ADK: variants seen among roughly 807,000 people sequenced by gnomAD.
ADK encodes the protein N6,N6-dimethyladenosine kinase.
A neutral mutation model predicts 44.7 loss-of-function variants in ADK; 24 were observed. That is an observed-to-expected ratio of 0.54 (90% confidence interval 0.39 to 0.76). The LOEUF (loss-of-function observed/expected upper bound fraction) is 0.76. ADK is among the 30% of genes least tolerant of loss of function. ADK has a pLI of 0.00. For missense variants in ADK, 321 were observed against 425.1 expected (o/e 0.76, Z 2.15); for synonymous variants, 128 against 142.6 (o/e 0.90, Z 0.73).
chr10:74,704,745 C>A (rs1362601921), intron 10 of ADK, among the ~76,000 whole-genome samples: 2 of 152,196 alleles, frequency 1.3e-5, no homozygotes, highest in African/African-American at 2.4e-5. Context: ...TCACAATGAT[C>A]ATACCAGGCG....
At chr10:74,395,147 GCATTA>G (rs149506756) in intron 5 of ADK, among the ~76,000 whole-genome samples, 1,836 of 152,204 alleles carry the variant, frequency 0.012, 38 homozygotes, top group African/African-American at 0.042. Context: ...TAGAAATTTT[GCATTA>G]CTTATAGTTG....
intron 10 of ADK, among the ~76,000 whole-genome samples, chr10:74,672,779 A>G (rs970837161): frequency 6.6e-6 from 1 of 152,184 alleles, no homozygotes; most frequent in African/African-American, 2.4e-5. Context: ...CACTTTATAT[A>G]TATATTAACT....
chr10:74,287,982 CAA>C (rs367569110), intron 3 of ADK, among the ~76,000 whole-genome samples: 33 of 68,596 alleles, frequency 4.8e-4, no homozygotes, highest in African/African-American at 8.0e-4. Flanking sequence ...GACCCTGTCT[CAA>C]AAAAAAAAAA....
chr10:74,367,953 A>G (rs1190233969), intron 4 of ADK, among the ~76,000 whole-genome samples: 1 of 152,246 alleles, frequency 6.6e-6, no homozygotes, highest in African/African-American at 2.4e-5. Flanking sequence ...ATCAAATATG[A>G]AGTATCAATA....
intron 3 of ADK, among the ~76,000 whole-genome samples, chr10:74,239,879 A>G (rs1183031194): frequency 3.3e-5 from 5 of 152,146 alleles, no homozygotes; most frequent in Non-Finnish European, 5.9e-5. Context: ...TTATCTTTGA[A>G]CCAGTTTGTA....
intron 6 of ADK, among the ~76,000 whole-genome samples, chr10:74,467,463 T>C (rs1157864442): frequency 6.6e-6 from 1 of 152,174 alleles, no homozygotes; most frequent in African/African-American, 2.4e-5. Context: ...TTTGATTTCG[T>C]AGTTCAGATT....
At chr10:74,235,654 A>G (rs966780739) in intron 3 of ADK, among the ~76,000 whole-genome samples, 2 of 152,168 alleles carry the variant, frequency 1.3e-5, no homozygotes, top group Non-Finnish European at 2.9e-5. Flanking sequence ...ATCCTTTGTT[A>G]TCAAAGTCTA....
intron 4 of ADK, among the ~76,000 whole-genome samples, chr10:74,343,853 C>T (rs552126488): frequency 6.6e-6 from 1 of 152,154 alleles, no homozygotes; most frequent in Non-Finnish European, 1.5e-5. Context: ...TTGTGATCCA[C>T]CCGCCTTGGC....
chr10:74,350,948 C>A (rs906482379), intron 4 of ADK, among the ~76,000 whole-genome samples: 1 of 152,082 alleles, frequency 6.6e-6, no homozygotes, highest in Non-Finnish European at 1.5e-5. Flanking sequence ...AGTCTACCAA[C>A]CAAAAAAAGC....
Position 74,382,772 on chromosome 10 carries a change from T to C in ADK, c.274-11369T>C, listed in dbSNP as rs201852044. Among the ~76,000 whole-genome samples the C allele has an allele frequency of 3.3e-5, 5 of 152,114 alleles. No individual in the cohort carries two copies. The East Asian group carries it at 9.6e-4, about 29-fold the overall frequency. On this transcript the variant is annotated intron_variant, in intron 4 of 10. Transcript: ENST00000539909. The stretch of plus-strand genomic sequence containing the variant: ...TGACTCAGTTCTGTAACCTTTTTGC[T>C]CTTTTTCTTGAAAAGAAAAAGGCTT...
intron 9 of ADK, among the ~76,000 whole-genome samples, chr10:74,657,817 C>T (rs1854544522): frequency 6.6e-6 from 1 of 152,096 alleles, no homozygotes; most frequent in Non-Finnish European, 1.5e-5. Flanking sequence ...GTAATTGTAA[C>T]TATGATAGAT....
intron 6 of ADK, among the ~76,000 whole-genome samples, chr10:74,458,302 T>G (rs1397450548): frequency 2.0e-5 from 3 of 146,482 alleles, no homozygotes; most frequent in Non-Finnish European, 4.5e-5. Flanking sequence ...AGGTTTTGTT[T>G]TTTTTTTTTT....
At chr10:74,265,995 A>G (rs1347500296) in intron 3 of ADK, among the ~76,000 whole-genome samples, 1 of 152,168 alleles carries the variant, frequency 6.6e-6, no homozygotes, top group Non-Finnish European at 1.5e-5. Flanking sequence ...GTTGTTCCTA[A>G]AGTAATGGGA....
intron 6 of ADK, among the ~76,000 whole-genome samples, chr10:74,499,471 G>A (rs1157803131): frequency 2.0e-5 from 3 of 152,120 alleles, no homozygotes; most frequent in East Asian, 1.9e-4. Flanking sequence ...GGTGGATCAC[G>A]AGGTCAGGAG....
intron 4 of ADK, among the ~76,000 whole-genome samples, chr10:74,382,956 C>A (rs1843021053): frequency 6.6e-6 from 1 of 151,356 alleles, no homozygotes; most frequent in African/African-American, 2.4e-5. Flanking sequence ...TTGGATTTTC[C>A]CCCCCTCCTC....
chr10:74,484,682 A>G (rs1333600026), intron 6 of ADK, among the ~76,000 whole-genome samples: 1 of 152,206 alleles, frequency 6.6e-6, no homozygotes, highest in East Asian at 1.9e-4. Context: ...AGCCTACCAT[A>G]TATCTGAACA....
At chr10:74,251,791 A>G (rs1320358201) in intron 3 of ADK, among the ~76,000 whole-genome samples, 1 of 151,996 alleles carries the variant, frequency 6.6e-6, no homozygotes, top group Admixed American at 6.6e-5. Flanking sequence ...GATTTATGTC[A>G]TAGCTAAGGT....
chr10:74,330,716 C>T (rs1375530270), intron 4 of ADK, among the ~76,000 whole-genome samples: 1 of 152,170 alleles, frequency 6.6e-6, no homozygotes, highest in Admixed American at 6.5e-5. Context: ...CATAAGCCTT[C>T]CAGCGGCAAC....
In ADK at chr10:74,525,597, A is replaced by G. The variant is rs184849520; in HGVS notation, c.726+171A>G. On this transcript the variant is annotated intron_variant, in intron 7 of 10. Transcript: ENST00000539909. ...ATGTCAACTGCTCTCAGTATTTTCAATATTTCCTTCAGTATATACTAACTT... is the reference window on the plus strand; with the variant it reads ...ATGTCAACTGCTCTCAGTATTTTCAGTATTTCCTTCAGTATATACTAACTT... Among the ~76,000 whole-genome samples, 90 of 152,222 alleles carry G rather than the reference A, an allele frequency of 5.9e-4. 1 individual carries two copies. The highest frequency in any genetic ancestry group is 1.9e-4 in the Non-Finnish European group (13 of 68,012).
Sources: gnomAD v4.1 joint callset for allele counts (sites outside exome capture counted in the v4.1 genomes callset) on GRCh38, gnomAD v4.1.1 for gene constraint, MANE v1.5 for transcripts, NCBI Gene and HGNC (gene_info 2026-07-23, HGNC 2026-07-21) for gene names.